Variants in PANK1 observed in about 807,000 individuals in gnomAD.
PANK1 encodes pantothenic acid kinase 1.
A neutral mutation model predicts 40.1 loss-of-function variants in PANK1; 18 were observed. The observed-to-expected ratio is 0.45, with a 90% CI of 0.31 to 0.67. The LOEUF (loss-of-function observed/expected upper bound fraction) is 0.67, where lower values mean the gene tolerates loss of function less well. PANK1 is among the 30% of genes least tolerant of loss of function. The probability of loss-of-function intolerance (pLI) is 0.06; values close to 1 mark genes in which losing one functional copy is unlikely to be tolerated. For missense variants in PANK1, 457 were observed against 599.6 expected (o/e 0.76, Z 2.48); for synonymous variants, 242 against 237.7 (o/e 1.02, Z -0.17).
intron 3 of PANK1, among the ~76,000 whole-genome samples, chr10:89,598,343 T>A (rs1331042871): frequency 6.6e-6 from 1 of 152,212 alleles, no homozygotes; most frequent in Non-Finnish European, 1.5e-5. Flanking sequence ...AACAGCACCC[T>A]TCATGGCAGA....
At chr10:89,594,016 A>C in intron 3 of PANK1, 27 bp from the exon 4 acceptor site, 1 of 1,570,750 alleles carries the variant, frequency 6.4e-7, no homozygotes, top group African/African-American at 1.4e-5. Flanking sequence ...GTTTATTTTT[A>C]AATTTTACTT....
At chr10:89,593,526 T>TGGG (rs34654344) in intron 4 of PANK1, among the ~76,000 whole-genome samples, 1 of 146,852 alleles carries the variant, frequency 6.8e-6, no homozygotes, top group East Asian at 2.5e-4. Context: ...TGTCCATTAA[T>TGGG]GGGGGGGGAA....
At position 89,612,058 on chromosome 10, in the gene PANK1, A is replaced by T; in HGVS notation, c.293-10T>A. 1 of 1,603,022 alleles carries T rather than the reference A, an allele frequency of 6.2e-7. No homozygotes were observed. Among genetic ancestry groups the T allele is most frequent in the Non-Finnish European group, 8.5e-7 (1 of 1,173,380 alleles). On this transcript the variant is annotated splice_polypyrimidine_tract_variant and intron_variant, in intron 1 of 6. Transcript: ENST00000307534. Reference sequence around the variant, plus strand: ...CCAAACCATGGGAATGCTAAAGGACAGAAAGAAAGAGTGCTGCTGAATGCT... The same window carrying T: ...CCAAACCATGGGAATGCTAAAGGACTGAAAGAAAGAGTGCTGCTGAATGCT...
chr10:89,593,788 C>A, intron 4 of PANK1, 25 bp downstream of exon 4: 1 of 1,584,516 alleles, frequency 6.3e-7, no homozygotes, highest in East Asian at 2.2e-5. Context: ...TTAATCACTA[C>A]TGCTCCTAGC....
chr10:89,644,523 G>T (rs893099792), intron 1 of PANK1, 77 bp downstream of exon 1: 1 of 1,342,820 alleles, frequency 7.4e-7, no homozygotes, highest in Non-Finnish European at 1.0e-6. Context: ...TGCGGCGCCT[G>T]CCTCAGCCGC....
intron 1 of PANK1, among the ~76,000 whole-genome samples, chr10:89,642,336 T>G (rs1424449095): frequency 6.6e-6 from 1 of 152,240 alleles, no homozygotes; most frequent in Admixed American, 6.5e-5. Context: ...TATCCACACA[T>G]GCATTCCAGG....
chr10:89,625,707 C>T (rs1485193124), intron 1 of PANK1: 1 of 149,606 alleles, frequency 6.7e-6, no homozygotes. Context: ...AGCTCTGTTG[C>T]TTTTATTTTA....
intron 1 of PANK1, among the ~76,000 whole-genome samples, chr10:89,618,592 CA>C (rs1412003125): frequency 2.6e-5 from 4 of 152,144 alleles, no homozygotes; most frequent in Non-Finnish European, 5.9e-5. Context: ...TGCAGCTGGC[CA>C]AATATTTCTG....
intron 1 of PANK1, among the ~76,000 whole-genome samples, chr10:89,624,362 T>C (rs1311920240): frequency 1.3e-5 from 2 of 152,236 alleles, no homozygotes; most frequent in African/African-American, 4.8e-5. Flanking sequence ...TACTATATAA[T>C]ATTAATACAT....
Position 89,593,325 on chromosome 10 carries a change from G to A in PANK1, c.1077-5C>T. On this transcript the variant is annotated splice_region_variant and splice_polypyrimidine_tract_variant and intron_variant, in intron 4 of 6. Coordinates refer to ENST00000307534, the MANE Select transcript of PANK1 (RefSeq NM_148977.3). ...TTACTCATCATGTTGCCAAAGCTAT[G>A]TTGGAAATATCAGCGAGAGTGTTCA... The A allele has an allele frequency of 6.2e-7, 1 of 1,613,378 alleles. No individual in the cohort carries two copies. Among genetic ancestry groups the A allele is most frequent in the Non-Finnish European group, 8.5e-7 (1 of 1,179,644 alleles).
intron 3 of PANK1, among the ~76,000 whole-genome samples, chr10:89,595,692 C>T (rs989851353): frequency 2.7e-5 from 4 of 145,926 alleles, no homozygotes; most frequent in Admixed American, 6.9e-5. Flanking sequence ...TGGTGGCACG[C>T]GCCTGTAATC....
At position 89,616,679 on chromosome 10, in the gene PANK1, T is replaced by C. The variant is rs77257119; in HGVS notation, c.293-4631A>G. 4.0e-3 allele frequency among the ~76,000 whole-genome samples: 615 copies of C among 152,150 alleles called. 16 individuals are homozygous for C. The East Asian group carries it at 0.061, about 15-fold the overall frequency. On this transcript the variant is annotated intron_variant, in intron 1 of 6. Coordinates refer to ENST00000307534, the MANE Select transcript of PANK1 (RefSeq NM_148977.3). ...GGTTCACGCCTGTAATCCCAGCACT[T>C]TGGGAGGCCCAGGCAGGCGGATTTT... is the stretch of plus-strand genomic sequence containing the variant.
At chr10:89,638,248 T>C (rs2133033368) in intron 1 of PANK1, among the ~76,000 whole-genome samples, 1 of 152,386 alleles carries the variant, frequency 6.6e-6, no homozygotes, top group South Asian at 2.1e-4. Flanking sequence ...TTTGTATATG[T>C]GCTCCTTCCT....
chr10:89,618,980 A>G (rs1421407424), intron 1 of PANK1, among the ~76,000 whole-genome samples: 1 of 152,168 alleles, frequency 6.6e-6, no homozygotes, highest in Non-Finnish European at 1.5e-5. Flanking sequence ...TGACTAATAT[A>G]CCCCTAAATC....
chr10:89,607,665 T>C (rs769169428), intron 2 of PANK1, among the ~76,000 whole-genome samples: 4 of 152,208 alleles, frequency 2.6e-5, no homozygotes, highest in Non-Finnish European at 4.4e-5. Flanking sequence ...TTTTCTGATG[T>C]TAAAAATACC....
intron 3 of PANK1, among the ~76,000 whole-genome samples, chr10:89,597,073 A>G (rs1485378939): frequency 6.6e-6 from 1 of 152,220 alleles, no homozygotes; most frequent in African/African-American, 2.4e-5. Flanking sequence ...TTAAAAATAA[A>G]CATCTTTAAT....
chr10:89,612,095 G>A (rs758645891), intron 1 of PANK1, 47 bp from the exon 2 acceptor site: 14 of 1,454,216 alleles, frequency 9.6e-6, no homozygotes, highest in Non-Finnish European at 1.2e-5. Flanking sequence ...TGCGTGCAAA[G>A]AAGTGTTCAG....
intron 1 of PANK1, among the ~76,000 whole-genome samples, chr10:89,631,641 A>T (rs1841646063): frequency 6.6e-6 from 1 of 152,234 alleles, no homozygotes; most frequent in South Asian, 2.1e-4. Flanking sequence ...AGGAGATACT[A>T]ATCACTCTTA....
intron 1 of PANK1, among the ~76,000 whole-genome samples, chr10:89,622,000 C>T (rs1277951627): frequency 1.2e-4 from 18 of 152,290 alleles, no homozygotes; most frequent in South Asian, 2.1e-4. Context: ...AGGCATGAGC[C>T]GCTGCATCTG....
Sources: allele counts gnomAD v4.1 joint callset (sites outside exome capture counted in the v4.1 genomes callset), GRCh38; gene constraint gnomAD v4.1.1; transcripts MANE v1.5; gene names NCBI Gene and HGNC (gene_info 2026-07-23, HGNC 2026-07-21).